The following KIAA1328 variants were observed in gnomAD, a reference collection of about 807,000 sequenced individuals.
KIAA1328 encodes the protein protein hinderin.
KIAA1328 carries 52 observed loss-of-function variants against 68.1 expected under a neutral mutation model. That is an observed-to-expected ratio of 0.76 (90% CI 0.61 to 0.96). KIAA1328 has a LOEUF of 0.96. Ranked by LOEUF, KIAA1328 falls within the 40% of genes least tolerant of loss-of-function variation. The pLI is 0.00. For missense variants in KIAA1328, 641 were observed against 677.6 expected, an observed-to-expected ratio of 0.95 and a Z score of 0.60; for synonymous variants, 232 against 239.4, an observed-to-expected ratio of 0.97 and a Z score of 0.28.
chr18:36,911,855 G>A (rs2049465052), intron 5 of KIAA1328, among the ~76,000 whole-genome samples: 10 of 152,026 alleles, frequency 6.6e-5, no homozygotes, highest in Admixed American at 6.6e-4. Context: ...CACAGTGCCT[G>A]GTGTGGCATA....
At chr18:36,994,412 C>G (rs1407327373) in intron 6 of KIAA1328, among the ~76,000 whole-genome samples, 1 of 152,068 alleles carries the variant, frequency 6.6e-6, no homozygotes, top group Non-Finnish European at 1.5e-5. Flanking sequence ...TAACACATAA[C>G]CAGGAGTCAT....
chr18:36,854,674 C>T (rs2047325537), intron 4 of KIAA1328, among the ~76,000 whole-genome samples: 1 of 151,948 alleles, frequency 6.6e-6, no homozygotes. Context: ...GAGTTAAGTT[C>T]ACATAATGTT....
chr18:37,219,222 C>T (rs1388334366), intron 9 of KIAA1328, among the ~76,000 whole-genome samples: 1 of 152,166 alleles, frequency 6.6e-6, no homozygotes, highest in Non-Finnish European at 1.5e-5. Flanking sequence ...TCAAGGGGCA[C>T]CCAGCTGTAT....
chr18:37,015,223 A>G (rs2054112558), intron 6 of KIAA1328, among the ~76,000 whole-genome samples: 1 of 152,152 alleles, frequency 6.6e-6, no homozygotes, highest in African/African-American at 2.4e-5. Flanking sequence ...CCATATGGCT[A>G]GTCACTTATC....
chr18:36,955,140 A>ATT (rs71168250), intron 5 of KIAA1328, among the ~76,000 whole-genome samples: 278 of 145,156 alleles, frequency 1.9e-3, no homozygotes, highest in East Asian at 8.7e-3. Flanking sequence ...GCTATCTCCT[A>ATT]TTTTTTTTTT....
intron 5 of KIAA1328, among the ~76,000 whole-genome samples, chr18:36,934,224 G>A (rs932659713): frequency 1.3e-5 from 2 of 152,052 alleles, no homozygotes; most frequent in African/African-American, 4.8e-5. Flanking sequence ...CTTGGTATCT[G>A]TGTCACCTCT....
intron 7 of KIAA1328, among the ~76,000 whole-genome samples, chr18:37,070,863 T>C (rs902052980): frequency 6.6e-6 from 1 of 152,060 alleles, no homozygotes; most frequent in African/African-American, 2.4e-5. Flanking sequence ...CTTTACCTGA[T>C]GCTAATATAG....
At chr18:37,018,506 T>C (rs964143634) in intron 6 of KIAA1328, among the ~76,000 whole-genome samples, 51 of 152,358 alleles carry the variant, frequency 3.3e-4, no homozygotes, top group African/African-American at 9.4e-4. Context: ...CATGTCTACC[T>C]TTCTGGCATA....
chr18:37,010,704 C>CT (rs1349406313), intron 6 of KIAA1328, among the ~76,000 whole-genome samples: 2 of 151,910 alleles, frequency 1.3e-5, no homozygotes, highest in East Asian at 3.9e-4. Context: ...TGGTTGGGCT[C>CT]TTTGAGATCC....
chr18:37,183,632 A>G (rs1265948336), intron 9 of KIAA1328, among the ~76,000 whole-genome samples: 3 of 152,240 alleles, frequency 2.0e-5, no homozygotes, highest in African/African-American at 4.8e-5. Flanking sequence ...ATCAAAGTAT[A>G]TCAATAAGCC....
intron 6 of KIAA1328, among the ~76,000 whole-genome samples, chr18:36,968,366 A>T (rs183438520): frequency 8.1e-4 from 124 of 152,318 alleles, no homozygotes; most frequent in African/African-American, 2.7e-3. Flanking sequence ...GTTGTGTTCA[A>T]GAGACCCATG....
intron 5 of KIAA1328, among the ~76,000 whole-genome samples, chr18:36,940,674 C>CTT (rs1272164052): frequency 4.5e-4 from 57 of 127,684 alleles, no homozygotes; most frequent in African/African-American, 6.2e-4. Flanking sequence ...GCTCATTTTA[C>CTT]TTTTTTTTTT....
intron 5 of KIAA1328, among the ~76,000 whole-genome samples, chr18:36,942,801 G>A (rs564352178): frequency 2.6e-5 from 4 of 152,190 alleles, no homozygotes; most frequent in South Asian, 2.1e-4. Context: ...ACTGGGGAGC[G>A]AATGTTTTTA....
intron 5 of KIAA1328, among the ~76,000 whole-genome samples, chr18:36,887,243 T>G (rs1434808068): frequency 6.6e-6 from 1 of 152,098 alleles, no homozygotes; most frequent in Non-Finnish European, 1.5e-5. Flanking sequence ...TCAGAATTCA[T>G]AACAAAGTGC....
intron 6 of KIAA1328, among the ~76,000 whole-genome samples, chr18:36,996,506 G>A (rs1323672090): frequency 1.3e-5 from 2 of 152,268 alleles, no homozygotes; most frequent in African/African-American, 4.8e-5. Context: ...TTTAAAAACA[G>A]TAAGTAAATA....
At chr18:37,201,821 C>T (rs145783675) in intron 9 of KIAA1328, among the ~76,000 whole-genome samples, 2 of 152,294 alleles carry the variant, frequency 1.3e-5, no homozygotes, top group East Asian at 3.9e-4. Context: ...ATTTACTTAT[C>T]TCAAGGTCAG....
intron 5 of KIAA1328, among the ~76,000 whole-genome samples, chr18:36,901,536 G>T (rs2049038419): frequency 1.3e-5 from 2 of 152,042 alleles, no homozygotes; most frequent in Non-Finnish European, 2.9e-5. Context: ...AGTTGATTCA[G>T]ATCTTTTTGG....
At chr18:37,136,342 G>C (rs139003449) in intron 7 of KIAA1328, among the ~76,000 whole-genome samples, 2,001 of 152,154 alleles carry the variant, frequency 0.013, 29 homozygotes, top group Non-Finnish European at 0.02. Context: ...TTATATTCAT[G>C]GTTCATTTGC....
chr18:37,139,703 G>T (rs1391001279), intron 7 of KIAA1328, among the ~76,000 whole-genome samples: 1 of 152,110 alleles, frequency 6.6e-6, no homozygotes, highest in Admixed American at 6.5e-5. Flanking sequence ...AATTTAGTTG[G>T]GTTAAATGGA....
Sources: allele counts gnomAD v4.1 joint callset (sites outside exome capture counted in the v4.1 genomes callset), GRCh38; gene constraint gnomAD v4.1.1; transcripts MANE v1.5; gene names NCBI Gene and HGNC (gene_info 2026-07-23, HGNC 2026-07-21).